TBC1D22B: variants seen among roughly 807,000 people sequenced by gnomAD.
The protein encoded by TBC1D22B is TBC1 domain family member 22B, also known as chromosome 6 open reading frame 197.
In TBC1D22B, 32 loss-of-function variants were observed where a neutral mutation model predicts 69.1. The observed-to-expected ratio is 0.46, with a 90% CI of 0.35 to 0.62. TBC1D22B has a LOEUF of 0.62. Ranked by LOEUF, TBC1D22B falls within the 20% of genes least tolerant of loss-of-function variation. TBC1D22B has a pLI of 0.00. For missense variants in TBC1D22B, 462 were observed against 630.9 expected (o/e 0.73, Z 2.87); for synonymous variants, 206 against 229.8 (o/e 0.90, Z 0.94).
intron 8 of TBC1D22B, among the ~76,000 whole-genome samples, chr6:37,308,186 A>G (rs1183306313): frequency 6.6e-6 from 1 of 152,146 alleles, no homozygotes; most frequent in South Asian, 2.1e-4. Context: ...GTTTCCTCCC[A>G]TCTGAGTCCT....
intron 10 of TBC1D22B, 128 bp from the exon 11 acceptor site, chr6:37,316,571 GCTGT>G: frequency 1.1e-6 from 1 of 940,306 alleles, no homozygotes; most frequent in Non-Finnish European, 1.7e-6. Context: ...CAGTCAGATG[GCTGT>G]CTGCCTCCTC....
At chr6:37,275,667 A>G (rs567780311) in intron 2 of TBC1D22B, among the ~76,000 whole-genome samples, 7 of 152,346 alleles carry the variant, frequency 4.6e-5, no homozygotes, top group East Asian at 1.9e-4. Flanking sequence ...TGGGCATTAG[A>G]TAAGAAAATG....
intron 12 of TBC1D22B, among the ~76,000 whole-genome samples, chr6:37,322,119 T>G (rs954805177): frequency 7.2e-5 from 11 of 152,132 alleles, no homozygotes; most frequent in Non-Finnish European, 1.2e-4. Flanking sequence ...ACTAAGGAAG[T>G]GAATGGAGCT....
At chr6:37,325,525 T>C (rs997752063) in intron 12 of TBC1D22B, among the ~76,000 whole-genome samples, 1 of 146,572 alleles carries the variant, frequency 6.8e-6, no homozygotes, top group Non-Finnish European at 1.5e-5. Flanking sequence ...CCCCCAGCCA[T>C]AATTATCGTT....
At chr6:37,266,523 A>G (rs560810428) in intron 1 of TBC1D22B, among the ~76,000 whole-genome samples, 6 of 146,500 alleles carry the variant, frequency 4.1e-5, no homozygotes, top group Admixed American at 7.0e-5. Context: ...GTGCAGTGGT[A>G]CAATCTCGGC....
chr6:37,306,092 A>C (rs545698979), intron 8 of TBC1D22B, among the ~76,000 whole-genome samples: 2 of 152,248 alleles, frequency 1.3e-5, no homozygotes, highest in African/African-American at 4.8e-5. Context: ...GTGACACTTG[A>C]AGACAGTGTG....
At chr6:37,288,309 A>G (rs745369350) in intron 7 of TBC1D22B, among the ~76,000 whole-genome samples, 10 of 152,330 alleles carry the variant, frequency 6.6e-5, no homozygotes, top group Admixed American at 2.0e-4. Context: ...ACAGTTTTCC[A>G]TGGCTCAGCA....
intron 2 of TBC1D22B, among the ~76,000 whole-genome samples, chr6:37,271,323 GCAAAA>G (rs1195326568): frequency 1.3e-5 from 2 of 151,994 alleles, no homozygotes; most frequent in Admixed American, 6.6e-5. Flanking sequence ...AAAAAACAAA[GCAAAA>G]CAAAACAAAA....
intron 2 of TBC1D22B, among the ~76,000 whole-genome samples, chr6:37,269,922 G>A (rs1414260075): frequency 6.6e-6 from 1 of 152,160 alleles, no homozygotes; most frequent in African/African-American, 2.4e-5. Context: ...TAGTCAAAAG[G>A]TCTTTATTGA....
chr6:37,267,979 G>A (rs1025636706), intron 1 of TBC1D22B, among the ~76,000 whole-genome samples: 24 of 151,992 alleles, frequency 1.6e-4, no homozygotes, highest in African/African-American at 4.8e-4. Flanking sequence ...TTACTTTGAT[G>A]TTCTCTTTGC....
chr6:37,318,447 G>A (rs1198217582), intron 12 of TBC1D22B, among the ~76,000 whole-genome samples: 1 of 152,168 alleles, frequency 6.6e-6, no homozygotes, highest in Non-Finnish European at 1.5e-5. Flanking sequence ...AAATAGAGAT[G>A]CAGACTAGGC....
chr6:37,265,296 A>G (rs773696064), intron 1 of TBC1D22B, among the ~76,000 whole-genome samples: 9 of 152,222 alleles, frequency 5.9e-5, no homozygotes, highest in Non-Finnish European at 1.2e-4. Flanking sequence ...TTCAGCCTGC[A>G]CAAATTAGGT....
At chr6:37,272,646 C>T (rs1383367401) in intron 2 of TBC1D22B, among the ~76,000 whole-genome samples, 2 of 152,200 alleles carry the variant, frequency 1.3e-5, no homozygotes, top group African/African-American at 4.8e-5. Flanking sequence ...CCTTGGCCTC[C>T]CAACGTGCTG....
intron 10 of TBC1D22B, 105 bp from the exon 11 acceptor site, chr6:37,316,598 C>A (rs747941105): frequency 1.5e-4 from 196 of 1,336,634 alleles, no homozygotes; most frequent in Admixed American, 7.0e-5. Context: ...TGTCTGCTTA[C>A]CCATGGGAGG....
chr6:37,304,864 T>C (rs1767662657), intron 8 of TBC1D22B, among the ~76,000 whole-genome samples: 3 of 152,060 alleles, frequency 2.0e-5, no homozygotes, highest in Non-Finnish European at 2.9e-5. Context: ...ATTTGTAGGA[T>C]TGAGATAAGT....
At chr6:37,305,621 C>G (rs1767691437) in intron 8 of TBC1D22B, among the ~76,000 whole-genome samples, 1 of 151,910 alleles carries the variant, frequency 6.6e-6, no homozygotes, top group Non-Finnish European at 1.5e-5. Flanking sequence ...GGGTTCACGC[C>G]ATTCTCCTGC....
chr6:37,266,822 G>T (rs889842033), intron 1 of TBC1D22B, among the ~76,000 whole-genome samples: 2 of 151,416 alleles, frequency 1.3e-5, no homozygotes, highest in Non-Finnish European at 2.9e-5. Context: ...TTTCCTGTTG[G>T]TAATTATCCT....
chr6:37,291,103 C>T, intron 7 of TBC1D22B, 140 bp from the exon 8 acceptor site: 2 of 646,624 alleles, frequency 3.1e-6, no homozygotes, highest in Non-Finnish European at 5.5e-6. Flanking sequence ...CATTTATATA[C>T]TTCTTTATCC....
Position 37,282,332 on chromosome 6 carries a change from G to T in TBC1D22B, c.569G>T (p.Arg190Leu). The T allele has an allele frequency of 6.2e-7, 1 of 1,612,194 alleles. No homozygotes were observed. Residue 190 changes from arginine to leucine, a missense_variant, in exon 4 of 13, where the codon CGT (arginine) becomes CTT (leucine). By Grantham distance (102) the Arg-to-Leu change is moderately radical. Coordinates refer to ENST00000373491, the MANE Select transcript of TBC1D22B (RefSeq NM_017772.4). ...VREKTRLEKFRQLLSSQNTDL... is the reference protein window; with the variant it reads ...VREKTRLEKFLQLLSSQNTDL... ...GAGAAAACCCGCCTAGAAAAATTCC[G>T]TCAACTTCTCTCCAGCCAGAACACT...
Sources: allele counts gnomAD v4.1 joint callset (sites outside exome capture counted in the v4.1 genomes callset), GRCh38; gene constraint gnomAD v4.1.1; transcripts MANE v1.5; gene names NCBI Gene and HGNC (gene_info 2026-07-23, HGNC 2026-07-21).